The following TENM4 variants were observed in gnomAD, a reference collection of about 807,000 sequenced individuals.
TENM4 encodes the protein teneurin transmembrane protein 4.
Under a neutral mutation model 243.3 loss-of-function variants are expected in TENM4, and 82 were observed. That is an observed-to-expected ratio of 0.34 (90% CI 0.28 to 0.40). The LOEUF (loss-of-function observed/expected upper bound fraction) is 0.40. Among genes scored for constraint, TENM4 ranks in the 10% least tolerant of loss-of-function variants. The probability of loss-of-function intolerance (pLI) is 1.00; values close to 1 mark genes in which losing one functional copy is unlikely to be tolerated. For synonymous variants in TENM4, 1,412 were observed against 1,456.3 expected, an observed-to-expected ratio of 0.97 and a Z score of 0.69; for missense variants, 3,138 against 3,673.3, an observed-to-expected ratio of 0.85 and a Z score of 3.77.
intron 2 of TENM4, among the ~76,000 whole-genome samples, chr11:79,269,164 A>G (rs1855928035): frequency 6.6e-6 from 1 of 152,218 alleles, no homozygotes; most frequent in African/African-American, 2.4e-5. Context: ...AAAAATGAGA[A>G]TCACCTGTAC....
intron 3 of TENM4, among the ~76,000 whole-genome samples, chr11:79,159,836 C>T (rs503601): frequency 0.28 from 42,935 of 152,094 alleles, 7,012 homozygotes; most frequent in Middle Eastern, 0.4. Flanking sequence ...ATGCCTTCCA[C>T]TTCCTCTTCC....
At chr11:79,263,914 A>G (rs1855839535) in intron 2 of TENM4, among the ~76,000 whole-genome samples, 1 of 152,190 alleles carries the variant, frequency 6.6e-6, no homozygotes. Context: ...TGCATGGCCT[A>G]CGGGGCTTCG....
chr11:78,658,331 G>A lies in TENM4; in HGVS notation c.8037C>T (p.Tyr2679=), dbSNP rs1328059682. Residue 2679 remains tyrosine, a synonymous_variant, in exon 34 of 34, where the codon TAC becomes TAT. Transcript: ENST00000278550. ...QYGALCLNTR[Y]GTTLDEEKAR... ...CCTTCTCCTCATCCAACGTTGTCCC[G>A]TAGCGTGTGTTCAAGCACAGTGCCC... The A allele has an allele frequency of 9.3e-6, 15 of 1,613,238 alleles. No individual in the cohort carries two copies. The African/African-American group carries it at 9.3e-5, about 10-fold the overall frequency.
chr11:79,138,905 C>A (rs183592915), intron 4 of TENM4, among the ~76,000 whole-genome samples: 20,982 of 82,512 alleles, frequency 0.25, 4,889 homozygotes, highest in African/African-American at 0.51. Flanking sequence ...TATTATATTT[C>A]TATAAATATA....
At chr11:78,990,303 T>C (rs1198914126) in intron 6 of TENM4, among the ~76,000 whole-genome samples, 1 of 152,162 alleles carries the variant, frequency 6.6e-6, no homozygotes, top group African/African-American at 2.4e-5. Flanking sequence ...ATCATGAGTC[T>C]CCAGTCTCTT....
intron 6 of TENM4, among the ~76,000 whole-genome samples, chr11:79,020,453 C>A (rs1212897901): frequency 1.3e-5 from 2 of 152,188 alleles, no homozygotes; most frequent in Non-Finnish European, 2.9e-5. Flanking sequence ...TTGACTTGAT[C>A]ATTCAAATTT....
At chr11:78,841,709 T>C (rs1858262536) in intron 12 of TENM4, among the ~76,000 whole-genome samples, 1 of 152,096 alleles carries the variant, frequency 6.6e-6, no homozygotes, top group Non-Finnish European at 1.5e-5. Context: ...CTTCCCCACC[T>C]TACATAAACC....
chr11:78,938,309 A>G (rs1450445533), intron 6 of TENM4, among the ~76,000 whole-genome samples: 3 of 152,184 alleles, frequency 2.0e-5, no homozygotes, highest in Non-Finnish European at 2.9e-5. Context: ...AAACTTGCAA[A>G]AATAGTACAA....
chr11:79,120,217 G>A (rs779010263), intron 4 of TENM4, among the ~76,000 whole-genome samples: 10 of 152,192 alleles, frequency 6.6e-5, no homozygotes, highest in Non-Finnish European at 1.5e-4. Flanking sequence ...ACAGATGAGG[G>A]AATATGCAAA....
chr11:78,669,620 C>T lies in TENM4; in HGVS notation c.6725G>A (p.Arg2242His), dbSNP rs756653480. 9.9e-6 allele frequency: 16 copies of T among 1,613,924 alleles called. No individual in the cohort carries two copies. Among genetic ancestry groups the T allele is most frequent in the South Asian group, 9.9e-5 (9 of 91,072 alleles). Residue 2242 changes from arginine (R) to histidine (H), a missense_variant, in exon 32 of 34, where the codon CGC becomes CAC. Coordinates refer to ENST00000278550, the MANE Select transcript of TENM4 (RefSeq NM_001098816.3). The surrounding 1 kb of genome is among the most constrained non-coding windows in gnomAD (Gnocchi z 6.4). ...GTCACCCAGCCGAGTGATGCGGTCGCGGATGTCATACCGTAGTGGTGTGAG... is the reference window on the plus strand; with the variant it reads ...GTCACCCAGCCGAGTGATGCGGTCGTGGATGTCATACCGTAGTGGTGTGAG... ...ARLTPLRYDI[R>H]DRITRLGDVQ...
chr11:78,834,865 C>T (rs371429149), intron 12 of TENM4, among the ~76,000 whole-genome samples: 9 of 152,260 alleles, frequency 5.9e-5, no homozygotes, highest in South Asian at 4.1e-4. Context: ...TGAATCCACC[C>T]GTTTCCAGCT....
intron 12 of TENM4, among the ~76,000 whole-genome samples, chr11:78,840,009 C>T (rs1249342885): frequency 6.6e-6 from 1 of 152,136 alleles, no homozygotes; most frequent in African/African-American, 2.4e-5. Flanking sequence ...ATTCTGACTG[C>T]ATAAGTTGGT....
chr11:78,963,758 G>A (rs1450244986), intron 6 of TENM4, among the ~76,000 whole-genome samples: 1 of 143,322 alleles, frequency 7.0e-6, no homozygotes, highest in Non-Finnish European at 1.5e-5. Context: ...TTGAGACAGA[G>A]TCTCACTCTG....
chr11:78,711,434 C>T (rs964094893), intron 26 of TENM4, among the ~76,000 whole-genome samples: 15 of 152,188 alleles, frequency 9.9e-5, no homozygotes, highest in African/African-American at 2.9e-4. Context: ...CCCAAAGTCA[C>T]TCAGCTGTAG....
intron 2 of TENM4, among the ~76,000 whole-genome samples, chr11:79,296,825 A>G (rs886136560): frequency 2.0e-5 from 3 of 152,170 alleles, no homozygotes; most frequent in African/African-American, 7.2e-5. Flanking sequence ...TACCCTTCAA[A>G]CTGTATACCC....
chr11:78,840,910 C>A (rs568563611), intron 12 of TENM4, among the ~76,000 whole-genome samples: 2 of 152,246 alleles, frequency 1.3e-5, no homozygotes, highest in Admixed American at 6.5e-5. Context: ...TTTCTCGGAA[C>A]CTTGTTTCAT....
rs34296723 is a variant in TENM4 at position 79,079,831 on chromosome 11, CAAAAAAAA to C, written c.-65-9830_-65-9823del. On this transcript the variant is annotated intron_variant, in intron 4 of 33. Transcript: ENST00000278550. ...TGAGCAACACAGTGACACTTTGTTT[CAAAAAAAA>C]AAAAAAAAAAGAAGAAAGAAAATGT... is the stretch of plus-strand genomic sequence containing the variant. Among the ~76,000 whole-genome samples, 293 of 114,634 alleles carry C rather than the reference CAAAAAAAA, an allele frequency of 2.6e-3. 9 individuals carry two copies. In the South Asian group the frequency reaches 0.066, roughly 26 times the overall value. 75.2% of individuals were successfully genotyped at this position (114,634 alleles called of 152,430 possible).
chr11:79,428,369 C>T (rs1859098317), intron 1 of TENM4, among the ~76,000 whole-genome samples: 1 of 152,206 alleles, frequency 6.6e-6, no homozygotes, highest in Non-Finnish European at 1.5e-5. Context: ...CCAAATCATG[C>T]ATAAGTGAAG....
At chr11:78,896,123 G>T (rs535481973) in intron 7 of TENM4, among the ~76,000 whole-genome samples, 2 of 152,166 alleles carry the variant, frequency 1.3e-5, no homozygotes, top group South Asian at 4.1e-4. Flanking sequence ...CCTCAGGACC[G>T]CCCTGATCAA....
Sources: allele counts gnomAD v4.1 joint callset (sites outside exome capture counted in the v4.1 genomes callset), GRCh38; gene constraint gnomAD v4.1.1; non-coding constraint Gnocchi (gnomAD v3.1); transcripts MANE v1.5; gene names NCBI Gene and HGNC (gene_info 2026-07-23, HGNC 2026-07-21).